The following ADGRG5 variants were observed in gnomAD, a reference collection of about 807,000 sequenced individuals.
ADGRG5 encodes the protein G protein-coupled receptor 114.
A neutral mutation model predicts 53.2 loss-of-function variants in ADGRG5; 37 were observed. That is an observed-to-expected ratio of 0.70 (90% CI 0.53 to 0.91). ADGRG5 has a LOEUF of 0.91. Ranked by LOEUF, ADGRG5 falls within the 40% of genes least tolerant of loss-of-function variation. The pLI is 0.00. For missense variants in ADGRG5, 614 were observed against 675.8 expected, an observed-to-expected ratio of 0.91 and a Z score of 1.01; for synonymous variants, 277 against 290.4, an observed-to-expected ratio of 0.95 and a Z score of 0.47.
At chr16:57,529,283 C>T in the ADGRG5 span, 1 of 1,117,732 alleles carries the variant, frequency 8.9e-7, no homozygotes. The surrounding 1 kb of genome is among the most constrained non-coding windows in gnomAD (Gnocchi z 4.1). Flanking sequence ...CGCCGTGCCC[C>T]GCTTCCCTCT....
At chr16:57,544,574 G>C (rs571898400) in intron 1 of ADGRG5, among the ~76,000 whole-genome samples, 102 of 152,112 alleles carry the variant, frequency 6.7e-4, no homozygotes, top group Non-Finnish European at 1.3e-4. Flanking sequence ...ACCAGTGGGG[G>C]TAAGAGCCTG....
intron 1 of ADGRG5, 97 bp from the exon 2 acceptor site, chr16:57,561,959 A>G: frequency 6.8e-6 from 4 of 586,340 alleles, no homozygotes; most frequent in Non-Finnish European, 1.2e-5. Flanking sequence ...GGTGAGTCAA[A>G]TAAGATGCTG....
chr16:57,562,952 C>G (rs1193899542), intron 3 of ADGRG5, 139 bp from the exon 4 acceptor site: 1 of 739,380 alleles, frequency 1.4e-6, no homozygotes, highest in East Asian at 2.6e-5. Context: ...GCCAAGGACA[C>G]TGTGTGTGCA....
chr16:57,548,631 C>T (rs1286791208), intron 1 of ADGRG5, among the ~76,000 whole-genome samples: 1 of 151,990 alleles, frequency 6.6e-6, no homozygotes, highest in East Asian at 1.9e-4. Flanking sequence ...CCTTTGCAAC[C>T]ACTAATCTGT....
At chr16:57,551,353 G>T (rs1420950278) in intron 1 of ADGRG5, among the ~76,000 whole-genome samples, 7 of 152,148 alleles carry the variant, frequency 4.6e-5, no homozygotes, top group Non-Finnish European at 8.8e-5. Context: ...TTTTACTCAC[G>T]GTAGAGCTTC....
At chr16:57,569,132 TCACCTCCTC>T (rs2033250428) in intron 9 of ADGRG5, among the ~76,000 whole-genome samples, 1 of 97,928 alleles carries the variant, frequency 1.0e-5, no homozygotes, top group East Asian at 3.7e-4. Context: ...ACCACCATGA[TCACCTCCTC>T]CACCTCCATC....
intron 9 of ADGRG5, among the ~76,000 whole-genome samples, chr16:57,568,413 C>T (rs1419826800): frequency 6.6e-6 from 1 of 151,762 alleles, no homozygotes; most frequent in African/African-American, 2.4e-5. Flanking sequence ...CCTCCTCCAC[C>T]TTCATTATCA....
rs1286925885 is a variant in ADGRG5, at chr16:57,562,206, C to T, written c.64+49C>T. ...GGGCAGCCCTAGCCCAGTCGTGGGACTGTGATGCAAAAGGGGGAGGCGTCA... is the reference window on the plus strand; with the variant it reads ...GGGCAGCCCTAGCCCAGTCGTGGGATTGTGATGCAAAAGGGGGAGGCGTCA... On this transcript the variant is annotated intron_variant, in intron 2 of 11. Coordinates refer to ENST00000349457, the MANE Select transcript of ADGRG5 (RefSeq NM_001304376.3). The T allele has an allele frequency of 2.6e-6, 4 of 1,542,838 alleles. No individual in the cohort carries two copies. In the African/African-American group the frequency reaches 5.5e-5, roughly 21 times the overall value.
At chr16:57,532,706 C>G in the ADGRG5 span, among the ~76,000 whole-genome samples, 1 of 123,516 alleles carries the variant, frequency 8.1e-6, no homozygotes, top group Admixed American at 7.8e-5. Flanking sequence ...CAGACACACA[C>G]ACACACACAC....
Position 57,575,507 on chromosome 16 carries a change from A to G in ADGRG5, c.1556A>G (p.Glu519Gly), listed in dbSNP as rs762195240. Reference protein sequence around the residue: ...RSEAEAKAQIEAFSSSQTTQ With the variant: ...RSEAEAKAQIGAFSSSQTTQ ...GAAGCAGAGGCCAAGGCACAGATAG[A>G]GGCCTTCAGCTCCTCCCAAACAACA... Residue 519 changes from glutamate to glycine, a missense_variant, in exon 12 of 12, where the codon GAG becomes GGG. Glu to Gly is a moderately conservative substitution (Grantham distance 98). Transcript: ENST00000349457. The G allele has an allele frequency of 6.2e-7, 1 of 1,614,146 alleles. No homozygotes were observed. The highest frequency in any genetic ancestry group is 1.1e-5 in the South Asian group (1 of 91,084).
At chr16:57,565,230 C>A in intron 6 of ADGRG5, 80 bp downstream of exon 6, 1 of 770,020 alleles carries the variant, frequency 1.3e-6, no homozygotes, top group Non-Finnish European at 2.2e-6. Context: ...TTGACTAGAC[C>A]CAAACCTGTG....
At chr16:57,533,291 G>A in the ADGRG5 span, among the ~76,000 whole-genome samples, 2 of 152,066 alleles carry the variant, frequency 1.3e-5, no homozygotes, top group African/African-American at 4.8e-5. Context: ...GAAGGGGTGG[G>A]GGTCGGGGTC....
At chr16:57,533,663 GACCTGCACTCACACACAGCCCCAGTA>G in the ADGRG5 span, among the ~76,000 whole-genome samples, 69 of 150,822 alleles carry the variant, frequency 4.6e-4, no homozygotes, top group Non-Finnish European at 8.4e-4. Context: ...TGGCCCGAGG[GACCTGCACTCACACACAGCCCCAGTA>G]ACGTGCACAC....
Position 57,575,596 on chromosome 16 carries a change from C to CT in ADGRG5, c.*58_*59insT. 1.4e-6 allele frequency: 2 copies of CT among 1,386,596 alleles called. No individual in the cohort carries two copies. The highest frequency in any genetic ancestry group is 2.0e-6 in the Non-Finnish European group (2 of 977,416). The allele number at this position is 1,386,596 out of a possible 1,614,324, so 85.9% of individuals were successfully genotyped here. On this transcript the variant is annotated 3_prime_UTR_variant, in exon 12 of 12. Coordinates refer to ENST00000349457, the MANE Select transcript of ADGRG5 (RefSeq NM_001304376.3). ...TCTGGCCGCCAGTAGCCTGAGGCTA[C>CT]GGCTCCTGCTAGAGAGGGTGGCAGG...
At chr16:57,553,845 C>A (rs1426060125) in intron 1 of ADGRG5, among the ~76,000 whole-genome samples, 1 of 152,124 alleles carries the variant, frequency 6.6e-6, no homozygotes, top group Non-Finnish European at 1.5e-5. Flanking sequence ...AATTTGGAAG[C>A]ATTTTCCCTT....
chr16:57,539,432 A>G (rs1171732988), upstream of ADGRG5, among the ~76,000 whole-genome samples: 29 of 148,760 alleles, frequency 1.9e-4, no homozygotes, highest in Non-Finnish European at 5.9e-5. Flanking sequence ...GTAAAGGTAG[A>G]TAATGCCATT....
At chr16:57,538,628 T>G (rs2032443307), upstream of ADGRG5, among the ~76,000 whole-genome samples, 1 of 152,112 alleles carries the variant, frequency 6.6e-6, no homozygotes, top group Admixed American at 6.6e-5. Flanking sequence ...CAGGCGCCTC[T>G]CTGAATGCAA....
chr16:57,568,186 T>C, intron 9 of ADGRG5, 62 bp downstream of exon 9: 1 of 1,550,538 alleles, frequency 6.4e-7, no homozygotes, highest in African/African-American at 1.4e-5. Flanking sequence ...TTGATCCCCT[T>C]TAGTCCTTTC....
chr16:57,572,151 A>G (rs2033381091), intron 10 of ADGRG5, among the ~76,000 whole-genome samples: 1 of 151,086 alleles, frequency 6.6e-6, no homozygotes, highest in South Asian at 2.1e-4. Context: ...TACTATGTAT[A>G]TACACATTCC....
Sources: gnomAD v4.1 joint callset for allele counts (sites outside exome capture counted in the v4.1 genomes callset) on GRCh38, gnomAD v4.1.1 for gene constraint, Gnocchi (gnomAD v3.1) non-coding constraint, MANE v1.5 for transcripts, NCBI Gene and HGNC (gene_info 2026-07-23, HGNC 2026-07-21) for gene names.